PHACTR1: variants seen among roughly 807,000 people sequenced by gnomAD.
The protein encoded by PHACTR1 is phosphatase and actin regulator 1.
Under a neutral mutation model 69.2 loss-of-function variants are expected in PHACTR1, and 16 were observed. That is an observed-to-expected ratio of 0.23 (90% CI 0.16 to 0.35). The LOEUF (loss-of-function observed/expected upper bound fraction) is 0.35, where lower values mean the gene tolerates loss of function less well. Ranked by LOEUF, PHACTR1 falls within the 10% of genes least tolerant of loss-of-function variation. The pLI, the probability that PHACTR1 is intolerant of heterozygous loss-of-function variation, is 1.00. For synonymous variants in PHACTR1, 312 were observed against 284.5 expected, an observed-to-expected ratio of 1.10 and a Z score of -0.97; for missense variants, 510 against 734.7, an observed-to-expected ratio of 0.69 and a Z score of 3.54.
chr6:12,809,203 T>C (rs989611300), intron 4 of PHACTR1, among the ~76,000 whole-genome samples: 29 of 152,156 alleles, frequency 1.9e-4, no homozygotes, highest in South Asian at 2.1e-4. Flanking sequence ...CTGTCTTACT[T>C]TTAAGCTATC....
intron 4 of PHACTR1, among the ~76,000 whole-genome samples, chr6:12,760,160 T>C (rs1447207931): frequency 2.6e-5 from 4 of 152,160 alleles, no homozygotes; most frequent in Non-Finnish European, 4.4e-5. Context: ...TACCAAAAAT[T>C]TAAAAAATGA....
chr6:12,770,788 G>A (rs1554136286), intron 4 of PHACTR1, among the ~76,000 whole-genome samples: 1 of 152,156 alleles, frequency 6.6e-6, no homozygotes, highest in Non-Finnish European at 1.5e-5. Flanking sequence ...TGTGCTGGGG[G>A]GTTAGAGGGA....
At chr6:12,839,633 T>C (rs1274703721) in intron 4 of PHACTR1, among the ~76,000 whole-genome samples, 1 of 152,124 alleles carries the variant, frequency 6.6e-6, no homozygotes, top group Non-Finnish European at 1.5e-5. Context: ...CCCAACTTGA[T>C]TCCAAAGTCT....
intron 10 of PHACTR1, among the ~76,000 whole-genome samples, chr6:13,257,443 C>A (rs576086242): frequency 1.1e-4 from 17 of 152,300 alleles, no homozygotes; most frequent in African/African-American, 4.1e-4. Context: ...AATCATCTTT[C>A]TAATTCCCAC....
intron 4 of PHACTR1, among the ~76,000 whole-genome samples, chr6:12,853,469 G>C (rs868549721): frequency 6.6e-6 from 1 of 152,230 alleles, no homozygotes; most frequent in Non-Finnish European, 1.5e-5. Flanking sequence ...AATGTGCTGA[G>C]AGAGTGAAAA....
At chr6:12,809,961 G>C (rs188084659) in intron 4 of PHACTR1, among the ~76,000 whole-genome samples, 2 of 152,156 alleles carry the variant, frequency 1.3e-5, no homozygotes, top group African/African-American at 4.8e-5. Flanking sequence ...CAAAAGGAAG[G>C]TGTCTAGGAC....
rs146631439 is a variant in PHACTR1 at position 13,045,244 on chromosome 6, A to G, written c.251-8121A>G. Among the ~76,000 whole-genome samples, 264 of 152,322 alleles carry G rather than the reference A, an allele frequency of 1.7e-3. 1 individual carries two copies. The highest frequency in any genetic ancestry group is 6.0e-3 in the African/African-American group (249 of 41,576). On this transcript the variant is annotated intron_variant, in intron 4 of 14. Coordinates refer to ENST00000332995, the MANE Select transcript of PHACTR1 (RefSeq NM_030948.6). The stretch of plus-strand genomic sequence containing the variant: ...TCTCCAGCTCTAAAATGGGGATAAT[A>G]TATAGCCCTCGCTCACAAGTTTAAT...
At chr6:12,791,142 GAGATTTAT>G (rs1772219275) in intron 4 of PHACTR1, among the ~76,000 whole-genome samples, 1 of 152,182 alleles carries the variant, frequency 6.6e-6, no homozygotes, top group South Asian at 2.1e-4. Context: ...AAATGTCCCA[GAGATTTAT>G]ACAAAATGCT....
At chr6:13,076,305 TC>T (rs1470682086) in intron 5 of PHACTR1, among the ~76,000 whole-genome samples, 1 of 152,102 alleles carries the variant, frequency 6.6e-6, no homozygotes, top group East Asian at 1.9e-4. Flanking sequence ...AAGTAAGTAA[TC>T]CTTTAATTGT....
intron 13 of PHACTR1, among the ~76,000 whole-genome samples, chr6:13,284,192 G>A (rs1368993487): frequency 6.6e-6 from 1 of 152,072 alleles, no homozygotes; most frequent in Non-Finnish European, 1.5e-5. Flanking sequence ...TGGTCACCAT[G>A]AGGAGCTGGA....
intron 5 of PHACTR1, among the ~76,000 whole-genome samples, chr6:13,056,210 C>T (rs376199286): frequency 6.6e-6 from 1 of 152,156 alleles, no homozygotes; most frequent in South Asian, 2.1e-4. Flanking sequence ...GAGTTAAAAA[C>T]CAGCCTGGGC....
At chr6:12,823,645 A>G (rs1458669466) in intron 4 of PHACTR1, among the ~76,000 whole-genome samples, 1 of 152,212 alleles carries the variant, frequency 6.6e-6, no homozygotes, top group Non-Finnish European at 1.5e-5. Context: ...ACAGTTTTGT[A>G]TTGAATTATG....
intron 4 of PHACTR1, among the ~76,000 whole-genome samples, chr6:12,772,802 A>G (rs573335271): frequency 1.6e-4 from 24 of 152,358 alleles, no homozygotes; most frequent in African/African-American, 5.8e-4. Flanking sequence ...ATGTTAATTT[A>G]TATTGCATAA....
chr6:12,718,021 T>C (rs1384431061), intron 2 of PHACTR1, among the ~76,000 whole-genome samples: 1 of 152,192 alleles, frequency 6.6e-6, no homozygotes, highest in East Asian at 1.9e-4. Context: ...ATATTAGCTT[T>C]GTGACAGGCT....
At chr6:13,211,857 C>T (rs1441752072) in intron 8 of PHACTR1, among the ~76,000 whole-genome samples, 2 of 152,192 alleles carry the variant, frequency 1.3e-5, no homozygotes, top group African/African-American at 4.8e-5. Flanking sequence ...GCAAAAGAGA[C>T]AGGGTTTGAG....
intron 5 of PHACTR1, among the ~76,000 whole-genome samples, chr6:13,087,141 TA>T (rs1812450378): frequency 1.4e-5 from 2 of 147,842 alleles, no homozygotes; most frequent in South Asian, 2.1e-4. Context: ...GTTATATATA[TA>T]ACATATATAT....
At chr6:13,248,872 A>G (rs1391162601) in intron 10 of PHACTR1, among the ~76,000 whole-genome samples, 1 of 152,196 alleles carries the variant, frequency 6.6e-6, no homozygotes. Flanking sequence ...AAGTTGGCAT[A>G]AAAAGCACTC....
intron 3 of PHACTR1, among the ~76,000 whole-genome samples, chr6:12,733,796 A>G (rs1255092115): frequency 6.6e-6 from 1 of 152,236 alleles, no homozygotes; most frequent in African/African-American, 2.4e-5. Context: ...GAAATACTAG[A>G]ACCTTTAGAT....
intron 4 of PHACTR1, among the ~76,000 whole-genome samples, chr6:12,771,668 T>G (rs1040773823): frequency 6.6e-6 from 1 of 152,208 alleles, no homozygotes; most frequent in Non-Finnish European, 1.5e-5. Context: ...TTTACCCGAC[T>G]GTAACTTAAA....
Sources: allele counts gnomAD v4.1 joint callset (sites outside exome capture counted in the v4.1 genomes callset), GRCh38; gene constraint gnomAD v4.1.1; transcripts MANE v1.5; gene names NCBI Gene and HGNC (gene_info 2026-07-23, HGNC 2026-07-21).